Variants in EPHA1 observed in about 807,000 individuals in gnomAD.
EPHA1 encodes EPH receptor A1.
Under a neutral mutation model 110.1 loss-of-function variants are expected in EPHA1, and 92 were observed. The observed-to-expected ratio is 0.84, with a 90% CI of 0.71 to 0.99. The LOEUF (loss-of-function observed/expected upper bound fraction) is 0.99. Among genes scored for constraint, EPHA1 ranks in the 50% least tolerant of loss-of-function variants. The probability of loss-of-function intolerance (pLI) is 0.00; values close to 1 mark genes in which losing one functional copy is unlikely to be tolerated. For missense variants in EPHA1, 1,204 were observed against 1,285.4 expected (o/e 0.94, Z 0.97); for synonymous variants, 500 against 516.1 (o/e 0.97, Z 0.42).
chr7:143,407,092 G>A (rs1805571132), intron 2 of EPHA1, among the ~76,000 whole-genome samples: 1 of 152,126 alleles, frequency 6.6e-6, no homozygotes, highest in South Asian at 2.1e-4. Flanking sequence ...ACCCTTTGAA[G>A]AATTTGATGA....
chr7:143,393,650 GTC>G lies in EPHA1; in HGVS notation c.2696+19_2696+20del. The stretch of plus-strand genomic sequence containing the variant: ...CCTAGCGCTGCCTCTGGGTTCCCTA[GTC>G]CTTCCCCTGCATGGTTACCTGGGGT... On this transcript the variant is annotated intron_variant, in intron 16 of 17. Transcript: ENST00000275815. This position sits in a 1 kb window ranked among gnomAD's most constrained non-coding sequence, Gnocchi z 5.6. 2 of 1,611,040 alleles carry G rather than the reference GTC, an allele frequency of 1.2e-6. No individual in the cohort carries two copies. The highest frequency in any genetic ancestry group is 2.7e-5 in the African/African-American group (2 of 74,822).
At position 143,399,960 on chromosome 7, in the gene EPHA1, G is replaced by C. The variant is rs779038165; in HGVS notation, c.526C>G (p.Leu176Val). The C allele has an allele frequency of 1.2e-6, 2 of 1,613,692 alleles. No homozygotes were observed. Among genetic ancestry groups the C allele is most frequent in the South Asian group, 2.2e-5 (2 of 91,054 alleles). ...GCGAGGTAGAGGCCACGGCGGGTCA[G>C]GCGGCCCAGAGAGCAGCGCTCCACA... The part of the protein sequence containing the change: ...LNVERCSLGR[L>V]TRRGLYLAFH... The change falls in exon 4 of 18, where the codon CTG becomes GTG. Residue 176 changes from leucine (L) to valine (V), a missense_variant. Transcript: ENST00000275815.
In EPHA1 at chr7:143,393,695, C is replaced by T. The variant is rs762143229; in HGVS notation, c.2672G>A (p.Arg891Gln). ...CCTGGGGTCAAAGTTGGCAATGGTC[C>T]GCAGGGAGTGGGGGTTGGCAAGCAG... Reference protein sequence around the residue: ...EQLLANPHSLRTIANFDPRMT... With the variant: ...EQLLANPHSLQTIANFDPRMT... The change falls in exon 16 of 18, where the codon CGG becomes CAG. Residue 891 changes from arginine (R) to glutamine (Q), a missense_variant. By Grantham distance (43) the Arg-to-Gln change is conservative (BLOSUM62 1). Transcript: ENST00000275815. The surrounding 1 kb of genome is among the most constrained non-coding windows in gnomAD (Gnocchi z 5.6). 29 of 1,613,518 alleles carry T rather than the reference C, an allele frequency of 1.8e-5. No homozygotes were observed. The highest frequency in any genetic ancestry group is 8.9e-5 in the East Asian group (4 of 44,864).
rs961153147 is a variant in EPHA1 at position 143,401,400 on chromosome 7, T to C, written c.356A>G (p.Lys119Arg). 5.6e-6 allele frequency: 9 copies of C among 1,614,142 alleles called. No homozygotes were observed. The highest frequency in any genetic ancestry group is 7.6e-6 in the Non-Finnish European group (9 of 1,180,042). The change falls in exon 3 of 18, where the codon AAG (lysine) becomes AGG (arginine). Residue 119 changes from lysine (K) to arginine (R), a missense_variant. Coordinates refer to ENST00000275815, the MANE Select transcript of EPHA1 (RefSeq NM_005232.5). The surrounding 1 kb of genome is among the most constrained non-coding windows in gnomAD (Gnocchi z 4.1). ...FPGGAGPLGC[K>R]ETFNLLYMES... The stretch of plus-strand genomic sequence containing the variant: ...CATGTACAGAAGGTTGAAGGTCTCC[T>C]TGCAGCCCAGAGGCCCGGCTCCCCC...
chr7:143,399,545 T>C, intron 4 of EPHA1, 106 bp downstream of exon 4: 1 of 1,561,048 alleles, frequency 6.4e-7, no homozygotes, highest in Non-Finnish European at 8.7e-7. Flanking sequence ...TCTGGGACAC[T>C]CAGGTTAAAA....
chr7:143,403,451 A>G (rs556531803), intron 2 of EPHA1, among the ~76,000 whole-genome samples: 2 of 151,996 alleles, frequency 1.3e-5, no homozygotes, highest in South Asian at 4.2e-4. Context: ...CATAAGTAAT[A>G]CTCCATTGTA....
chr7:143,394,058 G>T, intron 15 of EPHA1, 136 bp downstream of exon 15: 1 of 1,306,878 alleles, frequency 7.7e-7, no homozygotes, highest in South Asian at 1.5e-5. Flanking sequence ...TGAAGAACCA[G>T]AGGAGCCAGG....
intron 1 of EPHA1, 77 bp from the exon 2 acceptor site, chr7:143,407,755 GC>G: frequency 2.2e-5 from 30 of 1,356,802 alleles, no homozygotes; most frequent in Non-Finnish European, 3.1e-5. Flanking sequence ...TCATTCTGGG[GC>G]CTCAGCCCCA....
chr7:143,399,861 T>A lies in EPHA1; in HGVS notation c.625A>T (p.Asn209Tyr), dbSNP rs1337019566. 1 of 1,606,130 alleles carries A rather than the reference T, an allele frequency of 6.2e-7. No homozygotes were observed. Among genetic ancestry groups the A allele is most frequent in the Non-Finnish European group, 8.5e-7 (1 of 1,176,170 alleles). ...GTGTCTGGGAATTGGGCCAAGCCAT[T>A]CAGGGTCTCAGGACAGCGCTGGTAG... ...VFYQRCPETL[N>Y]GLAQFPDTLP... is the part of the protein sequence containing the mutation. The change falls in exon 4 of 18, where the codon AAT becomes TAT. Residue 209 changes from asparagine (N) to tyrosine (Y), a missense_variant. By Grantham distance (143) the Asn-to-Tyr change is moderately radical (BLOSUM62 -2). Transcript: ENST00000275815.
In EPHA1 at chr7:143,395,211, A is replaced by C. The variant is rs1430821365; in HGVS notation, c.2084-29T>G. On this transcript the variant is annotated intron_variant, in intron 12 of 17. Transcript: ENST00000275815. This position sits in a 1 kb window ranked among gnomAD's most constrained non-coding sequence, Gnocchi z 4.7. ...AGACACAGACACACATATCACACTC[A>C]GAACCGGGCTTCCTGCCCTTGGCCA... is the stretch of plus-strand genomic sequence containing the variant. 8.1e-6 allele frequency: 13 copies of C among 1,613,142 alleles called. No individual in the cohort carries two copies. Among genetic ancestry groups the C allele is most frequent in the African/African-American group, 8.0e-5 (6 of 75,050 alleles).
In EPHA1 at chr7:143,395,002, G is replaced by A. The variant is rs548151465; in HGVS notation, c.2158C>T (p.Gln720Ter). The A allele has an allele frequency of 6.2e-7, 1 of 1,614,064 alleles. No homozygotes were observed. Among genetic ancestry groups the A allele is most frequent in the African/African-American group, 1.3e-5 (1 of 75,026 alleles). The change falls in exon 14 of 18, where the codon CAG becomes TAG. Residue 720 changes from glutamine to a stop codon, truncating the protein, a stop_gained. Transcript: ENST00000275815. LOFTEE classifies it high-confidence loss of function. This position sits in a 1 kb window ranked among gnomAD's most constrained non-coding sequence, Gnocchi z 4.7. ...GCCACTAGCTGCCCAGGGACCAGCT[G>A]GTCCTCCCGCTCCTGCAGCAGGGTG... ...LDAFLRERED[Q>*]LVPGQLVAML...
In EPHA1 at chr7:143,401,352, A is replaced by T; in HGVS notation, c.404T>A (p.Ile135Asn). 2 of 1,614,058 alleles carry T rather than the reference A, an allele frequency of 1.2e-6. No individual in the cohort carries two copies. The highest frequency in any genetic ancestry group is 4.5e-5 in the East Asian group (2 of 44,884). The change falls in exon 3 of 18, where the codon ATT (isoleucine) becomes AAT (asparagine). Residue 135 changes from isoleucine (I) to asparagine (N), a missense_variant. Transcript: ENST00000275815. The surrounding 1 kb of genome is among the most constrained non-coding windows in gnomAD (Gnocchi z 4.1). ...LYMESDQDVGIQLRRPLFQKV... is the reference protein window; with the variant it reads ...LYMESDQDVGNQLRRPLFQKV... ...CTGGAACAAGGGCCGTCGGAGCTGA[A>T]TGCCCACATCCTGGTCACTCTCCAT...
intron 16 of EPHA1, 95 bp from the exon 17 acceptor site, chr7:143,391,870 G>A (rs1805097152): frequency 8.4e-6 from 13 of 1,542,428 alleles, no homozygotes; most frequent in Non-Finnish European, 1.1e-5. Flanking sequence ...GAAGTTCGGT[G>A]TCTGGGCACA....
At chr7:143,399,467 A>G (rs1586583978) in intron 4 of EPHA1, 54 bp from the exon 5 acceptor site, 1 of 1,546,014 alleles carries the variant, frequency 6.5e-7, no homozygotes, top group Non-Finnish European at 8.7e-7. Context: ...TACAGGCAGA[A>G]CCACCACCAC....
chr7:143,402,386 CTTTT>C (rs1805448516), intron 2 of EPHA1, among the ~76,000 whole-genome samples: 1 of 152,032 alleles, frequency 6.6e-6, no homozygotes, highest in African/African-American at 2.4e-5. Context: ...CTCCCCTTAA[CTTTT>C]TGTTTGTTTG....
chr7:143,401,362 C>A lies in EPHA1; in HGVS notation c.394G>T (p.Asp132Tyr). ...GGCCGTCGGAGCTGAATGCCCACAT[C>A]CTGGTCACTCTCCATGTACAGAAGG... ...FNLLYMESDQ[D>Y]VGIQLRRPLF... is the part of the protein sequence containing the mutation. The change falls in exon 3 of 18, where the codon GAT (aspartate) becomes TAT (tyrosine). Residue 132 changes from aspartate to tyrosine, a missense_variant. Transcript: ENST00000275815. The surrounding 1 kb of genome is among the most constrained non-coding windows in gnomAD (Gnocchi z 4.1). 6.2e-7 allele frequency: 1 copy of A among 1,614,098 alleles called. No individual in the cohort carries two copies. The highest frequency in any genetic ancestry group is 8.5e-7 in the Non-Finnish European group (1 of 1,180,022).
chr7:143,391,538 G>A lies in EPHA1; in HGVS notation c.2853-3C>T, dbSNP rs1805081743. ...TGATTCCCATCTGCGTCAGGTCCCT[G>A]TGGGCAAGGAAGGGTGGGGGCATGA... is the stretch of plus-strand genomic sequence containing the variant. On this transcript the variant is annotated splice_polypyrimidine_tract_variant and splice_region_variant and intron_variant, in intron 17 of 17. Coordinates refer to ENST00000275815, the MANE Select transcript of EPHA1 (RefSeq NM_005232.5). 3 of 1,614,048 alleles carry A rather than the reference G, an allele frequency of 1.9e-6. No homozygotes were observed. The highest frequency in any genetic ancestry group is 2.2e-5 in the South Asian group (2 of 91,086).
At position 143,395,761 on chromosome 7, in the gene EPHA1, G is replaced by A. The variant is rs576872934; in HGVS notation, c.1898-257C>T. Among the ~76,000 whole-genome samples, 1 of 152,340 alleles carries A rather than the reference G, an allele frequency of 6.6e-6. No individual in the cohort carries two copies. Among genetic ancestry groups the A allele is most frequent in the Non-Finnish European group, 1.5e-5 (1 of 68,034 alleles). The stretch of plus-strand genomic sequence containing the variant: ...GGCTCACAATAGGCGCTCGGCAACT[G>A]CAGGGTGAATGAACCCTGTGGAGCG... On this transcript the variant is annotated intron_variant, in intron 11 of 17. Transcript: ENST00000275815. The surrounding 1 kb of genome is among the most constrained non-coding windows in gnomAD (Gnocchi z 4.7).
chr7:143,396,293 G>C, intron 11 of EPHA1, 92 bp downstream of exon 11: 1 of 1,498,282 alleles, frequency 6.7e-7, no homozygotes, highest in Non-Finnish European at 8.9e-7. Flanking sequence ...CAGCTGGGCT[G>C]CCCAGGGAAG....
Sources: gnomAD v4.1 joint callset for allele counts (sites outside exome capture counted in the v4.1 genomes callset) on GRCh38, gnomAD v4.1.1 for gene constraint, Gnocchi (gnomAD v3.1) non-coding constraint, MANE v1.5 for transcripts, NCBI Gene and HGNC (gene_info 2026-07-23, HGNC 2026-07-21) for gene names.